Variants in ACSM3 observed in about 807,000 individuals in gnomAD.
ACSM3 encodes acyl-coenzyme A synthetase ACSM3, mitochondrial.
Under a neutral mutation model 74.1 loss-of-function variants are expected in ACSM3, and 61 were observed. That is an observed-to-expected ratio of 0.82 (90% CI 0.67 to 1.02). The LOEUF is 1.02. Among genes scored for constraint, ACSM3 ranks in the 50% least tolerant of loss-of-function variants. ACSM3 has a pLI of 0.00. For missense variants in ACSM3, 660 were observed against 697.0 expected (o/e 0.95, Z 0.60); for synonymous variants, 213 against 241.5 (o/e 0.88, Z 1.09).
intron 1 of ACSM3, chr16:20,682,237 C>T (rs1206364701): frequency 1.9e-6 from 3 of 1,609,726 alleles, no homozygotes; most frequent in Non-Finnish European, 2.5e-6. Flanking sequence ...AGATTATATT[C>T]ATCAGACCAG....
chr16:20,742,305 G>C (rs1013592672), intron 1 of ACSM3, among the ~76,000 whole-genome samples: 1 of 152,062 alleles, frequency 6.6e-6, no homozygotes, highest in African/African-American at 2.4e-5. Flanking sequence ...TGTGTTCCTT[G>C]AGCCCAGTCG....
intron 1 of ACSM3, chr16:20,741,481 G>GGGGGGGGGGGGGGCGCC: frequency 7.6e-7 from 1 of 1,308,414 alleles, no homozygotes; most frequent in Non-Finnish European, 9.9e-7. Context: ...CTGGCAGCCG[G>GGGGGGGGGGGGGGCGCC]CCCGCCCGCC....
chr16:20,719,668 GT>G (rs2079778650), intron 1 of ACSM3, among the ~76,000 whole-genome samples: 1 of 152,172 alleles, frequency 6.6e-6, no homozygotes. Flanking sequence ...TAAGAATCTG[GT>G]TCTAAATAAC....
intron 2 of ACSM3, among the ~76,000 whole-genome samples, chr16:20,772,961 C>T (rs1032199691): frequency 5.4e-5 from 8 of 149,364 alleles, no homozygotes; most frequent in African/African-American, 2.0e-4. Context: ...GAGTGAGACT[C>T]CCTCTCAAAA....
chr16:20,676,240 A>C (rs765749671), intron 1 of ACSM3: 4 of 152,234 alleles, frequency 2.6e-5, no homozygotes, highest in Non-Finnish European at 5.9e-5. Context: ...AGAGGACAAG[A>C]GGACACCCAC....
intron 1 of ACSM3, chr16:20,737,768 C>T (rs762860735): frequency 6.2e-6 from 10 of 1,613,686 alleles, no homozygotes; most frequent in Non-Finnish European, 8.5e-6. Flanking sequence ...GATTTGTACA[C>T]AATCTGAAAT....
At chr16:20,771,097 C>G (rs1023919627) in intron 2 of ACSM3, among the ~76,000 whole-genome samples, 2 of 152,174 alleles carry the variant, frequency 1.3e-5, no homozygotes, top group African/African-American at 4.8e-5. Context: ...CTTCTATGAG[C>G]TCTTTTCAGG....
At chr16:20,740,341 G>A (rs1048289475) in intron 1 of ACSM3, among the ~76,000 whole-genome samples, 1 of 152,190 alleles carries the variant, frequency 6.6e-6, no homozygotes, top group Non-Finnish European at 1.5e-5. Flanking sequence ...GTTGCAGTGA[G>A]CAAGAGCATG....
chr16:20,755,474 T>A (rs2080021757), intron 2 of ACSM3: 1 of 151,918 alleles, frequency 6.6e-6, no homozygotes, highest in Middle Eastern at 3.2e-3. Flanking sequence ...CAAGAACAAC[T>A]AAATGAAAAT....
In ACSM3 at chr16:20,796,236, G is replaced by A. The variant is rs900588471; in HGVS notation, c.1555-134G>A. 7.8e-6 allele frequency: 11 copies of A among 1,411,976 alleles called. No individual in the cohort carries two copies. The African/African-American group carries it at 1.6e-4, about 20-fold the overall frequency. 87.5% of individuals were successfully genotyped at this position (1,411,976 alleles called of 1,614,324 possible). ...GAAGTGGCTGGCTTAAGAGCACAGA[G>A]CTGGGATCAAACTTTATTAAAACAC... On this transcript the variant is annotated intron_variant, in intron 12 of 13. Transcript: ENST00000289416.
At chr16:20,703,439 C>G (rs1424233977) in intron 1 of ACSM3, 2 of 152,166 alleles carry the variant, frequency 1.3e-5, no homozygotes, top group Admixed American at 1.3e-4. Flanking sequence ...TCTTCCTATC[C>G]ATGAGCATGA....
intron 1 of ACSM3, among the ~76,000 whole-genome samples, chr16:20,675,040 G>C (rs751282884): frequency 3.3e-5 from 5 of 152,210 alleles, no homozygotes; most frequent in Non-Finnish European, 7.3e-5. Flanking sequence ...GCAAGGAAGA[G>C]TTTGCTGGCA....
chr16:20,780,686 T>G, intron 4 of ACSM3, 28 bp from the exon 5 acceptor site: 1 of 1,614,218 alleles, frequency 6.2e-7, no homozygotes, highest in Non-Finnish European at 8.5e-7. Flanking sequence ...GTGTTTAACA[T>G]GCAGTCATTG....
At chr16:20,690,614 T>C (rs893176159) in intron 1 of ACSM3, among the ~76,000 whole-genome samples, 2 of 152,224 alleles carry the variant, frequency 1.3e-5, no homozygotes, top group African/African-American at 4.8e-5. Context: ...AAGCCCAAGT[T>C]TGATGACATG....
chr16:20,685,832 C>CAA (rs1469791653), intron 1 of ACSM3, among the ~76,000 whole-genome samples: 5 of 72,128 alleles, frequency 6.9e-5, no homozygotes, highest in African/African-American at 1.3e-4. Context: ...AAAAAAAAAA[C>CAA]AAACAAAAAA....
chr16:20,769,961 T>C (rs1349712791), intron 1 of ACSM3, 23 bp from the exon 2 acceptor site: 2 of 1,477,558 alleles, frequency 1.4e-6, no homozygotes, highest in Non-Finnish European at 1.9e-6. Context: ...AACAAATATA[T>C]GTCCTTTTTG....
At chr16:20,742,813 ATT>A (rs372677216) in intron 1 of ACSM3, among the ~76,000 whole-genome samples, 912 of 66,808 alleles carry the variant, frequency 0.014, 10 homozygotes, top group African/African-American at 0.032. Context: ...ATATATATAT[ATT>A]TTTTTTTTTT....
chr16:20,770,580 G>A (rs1452672166), intron 2 of ACSM3, among the ~76,000 whole-genome samples: 1 of 151,962 alleles, frequency 6.6e-6, no homozygotes, highest in Admixed American at 6.6e-5. Flanking sequence ...GTCAGAAATG[G>A]TAGAAAAGGA....
intron 1 of ACSM3, among the ~76,000 whole-genome samples, chr16:20,698,123 G>A (rs1464177363): frequency 1.3e-5 from 2 of 151,146 alleles, no homozygotes; most frequent in African/African-American, 2.4e-5. Context: ...GAACACGGGA[G>A]GCGGAGCTTG....
Sources: allele counts gnomAD v4.1 joint callset (sites outside exome capture counted in the v4.1 genomes callset), GRCh38; gene constraint gnomAD v4.1.1; transcripts MANE v1.5; gene names NCBI Gene and HGNC (gene_info 2026-07-23, HGNC 2026-07-21).